The following PDE1C variants were observed in gnomAD, a reference collection of about 807,000 sequenced individuals.
PDE1C encodes phosphodiesterase 1C.
Under a neutral mutation model 93.1 loss-of-function variants are expected in PDE1C, and 62 were observed. The ratio of observed to expected loss-of-function variants is 0.67; its 90% CI spans 0.54 to 0.82. The LOEUF is 0.82. PDE1C is among the 40% of genes least tolerant of loss of function. The pLI is 0.00. For synonymous variants in PDE1C, 325 were observed against 310.1 expected, an observed-to-expected ratio of 1.05 and a Z score of -0.50; for missense variants, 742 against 884.6, an observed-to-expected ratio of 0.84 and a Z score of 2.04.
the PDE1C span, among the ~76,000 whole-genome samples, chr7:31,678,951 T>C: frequency 6.6e-6 from 1 of 152,188 alleles, no homozygotes; most frequent in African/African-American, 2.4e-5. Context: ...GGATACAATT[T>C]CTTGGATTGT....
chr7:32,147,308 G>GAAAGAAAGAA (rs1800945398), intron 3 of PDE1C, among the ~76,000 whole-genome samples: 3 of 146,186 alleles, frequency 2.1e-5, no homozygotes, highest in Non-Finnish European at 4.4e-5. Flanking sequence ...AAGAAAGAAA[G>GAAAGAAAGAA]AAAGAAAGAA....
chr7:32,028,742 T>C (rs1400337011), intron 2 of PDE1C, among the ~76,000 whole-genome samples: 1 of 152,092 alleles, frequency 6.6e-6, no homozygotes, highest in Middle Eastern at 3.2e-3. Flanking sequence ...TTTTGAAATG[T>C]ACAATATTAT....
At chr7:32,070,545 C>G, upstream of PDE1C, 1 of 1,468,556 alleles carries the variant, frequency 6.8e-7, no homozygotes. Context: ...CCCCCAGACT[C>G]CGACTTAGAG....
At chr7:31,803,399 T>TTTA (rs70989605) in intron 16 of PDE1C, among the ~76,000 whole-genome samples, 5,709 of 150,160 alleles carry the variant, frequency 0.038, 123 homozygotes, top group South Asian at 0.077. Flanking sequence ...GCTTTTTCTT[T>TTTA]TTATTATTAT....
the PDE1C span, among the ~76,000 whole-genome samples, chr7:31,711,206 G>A: frequency 1.7e-4 from 26 of 152,244 alleles, no homozygotes; most frequent in Admixed American, 3.3e-4. Flanking sequence ...ACAGATCCTC[G>A]TGTTCTTATA....
At chr7:31,847,749 C>A in intron 9 of PDE1C, 1 of 490,474 alleles carries the variant, frequency 2.0e-6, no homozygotes, top group African/African-American at 2.0e-5. Context: ...CATTCCATAG[C>A]CTTTATTTAT....
intron 17 of PDE1C, among the ~76,000 whole-genome samples, chr7:31,758,204 G>A (rs1311335618): frequency 1.3e-5 from 2 of 152,098 alleles, no homozygotes; most frequent in African/African-American, 4.8e-5. Flanking sequence ...TAAATGACGA[G>A]TTAATGGGTG....
At chr7:31,617,396 G>T in the PDE1C span, among the ~76,000 whole-genome samples, 2 of 152,158 alleles carry the variant, frequency 1.3e-5, no homozygotes, top group Non-Finnish European at 1.5e-5. Flanking sequence ...AAGCATTTCT[G>T]AGGTAGGCAA....
At position 31,794,089 on chromosome 7, in the gene PDE1C, CAGATAGAT is replaced by C. The variant is rs71559204; in HGVS notation, c.1891+14934_1891+14941del. On this transcript the variant is annotated intron_variant, in intron 16 of 17. Coordinates refer to ENST00000396191, the MANE Select transcript of PDE1C (RefSeq NM_001191057.4). ...ACAGACAGACAGACAGACAGACAGA[CAGATAGAT>C]AGACAGATAGATGGGCAGGCGGGCA... Among the ~76,000 whole-genome samples the C allele has an allele frequency of 4.7e-3, 639 of 135,942 alleles. 4 individuals are homozygous for C. The highest frequency in any genetic ancestry group is 0.018 in the African/African-American group (585 of 32,984). The allele number at this position is 135,942 out of a possible 152,430, so 89.2% of individuals were successfully genotyped here.
chr7:32,150,592 A>C (rs1302472780), intron 3 of PDE1C, among the ~76,000 whole-genome samples: 2 of 152,192 alleles, frequency 1.3e-5, no homozygotes, highest in African/African-American at 4.8e-5. Flanking sequence ...AATCCCTTGG[A>C]TTCTGAGGCC....
At chr7:31,874,586 A>T (rs1796323967) in intron 5 of PDE1C, among the ~76,000 whole-genome samples, 1 of 152,230 alleles carries the variant, frequency 6.6e-6, no homozygotes, top group Admixed American at 6.5e-5. Context: ...AATTCATCCC[A>T]AGGCCATCAA....
intron 9 of PDE1C, among the ~76,000 whole-genome samples, chr7:31,838,523 ATTATG>A (rs1791405013): frequency 6.6e-6 from 1 of 152,198 alleles, no homozygotes. Flanking sequence ...ATATTGATAC[ATTATG>A]TTAACTACAG....
intron 3 of PDE1C, among the ~76,000 whole-genome samples, chr7:32,086,861 G>T (rs1797118890): frequency 6.6e-6 from 1 of 151,766 alleles, no homozygotes; most frequent in East Asian, 1.9e-4. Flanking sequence ...ATTCAAGACG[G>T]ATTAAAGACT....
intron 1 of PDE1C, among the ~76,000 whole-genome samples, chr7:32,233,491 A>G (rs1807854121): frequency 6.6e-6 from 1 of 152,080 alleles, no homozygotes; most frequent in South Asian, 2.1e-4. Flanking sequence ...GATAAGAAAA[A>G]TTATACCATG....
chr7:32,377,977 C>T (rs1057023164), intron 1 of PDE1C, among the ~76,000 whole-genome samples: 1 of 152,174 alleles, frequency 6.6e-6, no homozygotes, highest in South Asian at 2.1e-4. Flanking sequence ...TTCCGTTAAT[C>T]CCTACAAGGA....
intron 3 of PDE1C, among the ~76,000 whole-genome samples, chr7:32,132,020 G>T (rs1799945154): frequency 6.6e-6 from 1 of 152,246 alleles, no homozygotes; most frequent in Admixed American, 6.5e-5. Flanking sequence ...ATCATTGTTT[G>T]ATTGGCTTGT....
intron 16 of PDE1C, among the ~76,000 whole-genome samples, chr7:31,779,275 T>G (rs1783225622): frequency 6.6e-6 from 1 of 152,212 alleles, no homozygotes; most frequent in East Asian, 1.9e-4. Flanking sequence ...ACAAATTTAA[T>G]GTTGCCTACA....
intron 3 of PDE1C, among the ~76,000 whole-genome samples, chr7:32,103,721 T>C (rs1798149792): frequency 6.6e-6 from 1 of 152,112 alleles, no homozygotes; most frequent in Non-Finnish European, 1.5e-5. Flanking sequence ...TTCTAAATGA[T>C]ATGAGTCAAA....
intron 2 of PDE1C, among the ~76,000 whole-genome samples, chr7:31,943,022 A>G (rs1440849931): frequency 6.6e-6 from 1 of 152,126 alleles, no homozygotes; most frequent in Non-Finnish European, 1.5e-5. Context: ...TGCTGAGGTG[A>G]GCCCAGCCCA....
Sources: allele counts gnomAD v4.1 joint callset (sites outside exome capture counted in the v4.1 genomes callset), GRCh38; gene constraint gnomAD v4.1.1; transcripts MANE v1.5; gene names NCBI Gene and HGNC (gene_info 2026-07-23, HGNC 2026-07-21).